The following TUBB4B variants were observed in gnomAD, a reference collection of about 807,000 sequenced individuals.
The protein encoded by TUBB4B is tubulin beta 4B class IVb.
TUBB4B carries 7 observed loss-of-function variants against 34.3 expected under a neutral mutation model. The observed-to-expected ratio is 0.20, with a 90% CI of 0.12 to 0.38. The LOEUF is 0.38. TUBB4B is among the 10% of genes least tolerant of loss of function. The pLI, the probability that TUBB4B is intolerant of heterozygous loss-of-function variation, is 1.00. For synonymous variants in TUBB4B, 390 were observed against 250.2 expected, an observed-to-expected ratio of 1.56 and a Z score of -5.27; for missense variants, 178 against 610.9, an observed-to-expected ratio of 0.29 and a Z score of 7.47.
At chr9:137,242,136 A>C (rs1192284950) in intron 3 of TUBB4B, 115 bp downstream of exon 3, 5 of 1,049,688 alleles carry the variant, frequency 4.8e-6, no homozygotes, top group African/African-American at 3.2e-5. Flanking sequence ...TCTCTGAGCC[A>C]CTCAATCCCC....
chr9:137,241,551 C>T (rs1836742195), intron 1 of TUBB4B, 134 bp downstream of exon 1: 4 of 905,532 alleles, frequency 4.4e-6, no homozygotes, highest in Admixed American at 5.6e-5. Flanking sequence ...GGGGAATTGG[C>T]CGAGCCGGGC....
intron 3 of TUBB4B, chr9:137,242,230 T>C: frequency 1.5e-6 from 1 of 663,218 alleles, no homozygotes; most frequent in African/African-American, 1.8e-5. Flanking sequence ...TGCAGGGAGC[T>C]GAGCTGGGGC....
At chr9:137,241,681 T>C in intron 1 of TUBB4B, 40 bp from the exon 2 acceptor site, 5 of 1,553,780 alleles carry the variant, frequency 3.2e-6, no homozygotes, top group Non-Finnish European at 3.5e-6. Flanking sequence ...CCGCGGTGAC[T>C]CAGCCCCGGC....
In TUBB4B at chr9:137,243,470, C is replaced by T. The variant is rs762837180; in HGVS notation, c.1252C>T (p.Leu418=). The part of the protein sequence containing the change: ...FTEAESNMND[L]VSEYQQYQDA... ...CGAGGCCGAGAGCAACATGAATGACCTGGTGTCCGAGTACCAGCAGTACCA... is the reference window on the plus strand; with the variant it reads ...CGAGGCCGAGAGCAACATGAATGACTTGGTGTCCGAGTACCAGCAGTACCA... Residue 418 remains leucine, a synonymous_variant, in exon 4 of 4, where the codon CTG becomes TTG. Transcript: ENST00000340384. 15 of 1,613,668 alleles carry T rather than the reference C, an allele frequency of 9.3e-6. No homozygotes were observed. The highest frequency in any genetic ancestry group is 2.2e-5 in the South Asian group (2 of 91,094).
chr9:137,241,499 C>T, intron 1 of TUBB4B, 82 bp downstream of exon 1: 2 of 1,155,644 alleles, frequency 1.7e-6, no homozygotes, highest in Non-Finnish European at 1.1e-6. Context: ...GCAGCAGCGG[C>T]CGGGCGGCGC....
Position 137,243,683 on chromosome 9 carries a change from C to T in TUBB4B, c.*127C>T, listed in dbSNP as rs765421295. On this transcript the variant is annotated 3_prime_UTR_variant, in exon 4 of 4. Coordinates refer to ENST00000340384, the MANE Select transcript of TUBB4B (RefSeq NM_006088.6). ...TGTCCACATCCATGCTGTACAGACA[C>T]CACCATTAAAGCATTTTCATAGTGT... 1 of 1,614,086 alleles carries T rather than the reference C, an allele frequency of 6.2e-7. No homozygotes were observed. The highest frequency in any genetic ancestry group is 8.5e-7 in the Non-Finnish European group (1 of 1,179,974).
chr9:137,242,121 C>G, intron 3 of TUBB4B, 100 bp downstream of exon 3: 1 of 1,195,022 alleles, frequency 8.4e-7, no homozygotes, highest in Non-Finnish European at 1.2e-6. Flanking sequence ...TGGACGCCCT[C>G]CTCTTCTCTG....
chr9:137,243,704 AGT>A (rs759352493), exon 4 of TUBB4B: 12 of 1,614,076 alleles, frequency 7.4e-6, no homozygotes, highest in African/African-American at 1.3e-5. Flanking sequence ...GCATTTTCAT[AGT>A]GTGTGGTTTC....
intron 3 of TUBB4B, 80 bp from the exon 4 acceptor site, chr9:137,242,416 T>G: frequency 6.6e-7 from 1 of 1,522,746 alleles, no homozygotes; most frequent in South Asian, 1.2e-5. Context: ...TCACACCATG[T>G]CACTCGGCTT....
In TUBB4B at chr9:137,242,588, G is replaced by A. The variant is rs755055213; in HGVS notation, c.370G>A (p.Ala124Thr). 6.2e-7 allele frequency: 1 copy of A among 1,613,948 alleles called. No homozygotes were observed. The highest frequency in any genetic ancestry group is 8.5e-7 in the Non-Finnish European group (1 of 1,180,028). Reference sequence around the variant, plus strand: ...GGTGCTGGATGTTGTGAGAAAGGAGGCTGAGAGCTGTGACTGCCTGCAGGG... The same window carrying A: ...GGTGCTGGATGTTGTGAGAAAGGAGACTGAGAGCTGTGACTGCCTGCAGGG... Reference protein sequence around the residue: ...DSVLDVVRKEAESCDCLQGFQ... With the variant: ...DSVLDVVRKETESCDCLQGFQ... Residue 124 changes from alanine to threonine, a missense_variant, in exon 4 of 4, where the codon GCT becomes ACT. Physicochemically the swap from Ala to Thr is moderately conservative, Grantham distance 58. Coordinates refer to ENST00000340384, the MANE Select transcript of TUBB4B (RefSeq NM_006088.6).
At chr9:137,242,411 C>T in intron 3 of TUBB4B, 85 bp from the exon 4 acceptor site, 2 of 1,504,644 alleles carry the variant, frequency 1.3e-6, no homozygotes, top group East Asian at 2.3e-5. Context: ...TCAGCTCACA[C>T]CATGTCACTC....
chr9:137,243,598 C>T lies in TUBB4B; in HGVS notation c.*42C>T. On this transcript the variant is annotated 3_prime_UTR_variant, in exon 4 of 4. Transcript: ENST00000340384. ...GGAAAGCAGGGAAGCAGTGTGAACT[C>T]TTTATTCACTCCCAGCCTGTCCTGT... 3 of 1,613,328 alleles carry T rather than the reference C, an allele frequency of 1.9e-6. No homozygotes were observed. Among genetic ancestry groups the T allele is most frequent in the Non-Finnish European group, 2.5e-6 (3 of 1,179,416 alleles).
chr9:137,241,540 CG>C (rs1564425925), intron 1 of TUBB4B, 123 bp downstream of exon 1: 2 of 947,292 alleles, frequency 2.1e-6, no homozygotes, highest in East Asian at 1.4e-4. Context: ...GCCCCCTCCG[CG>C]GGGAATTGGC....
In TUBB4B at chr9:137,243,611, C is replaced by T. The variant is rs998517767; in HGVS notation, c.*55C>T. The T allele has an allele frequency of 1.1e-5, 18 of 1,613,348 alleles. No individual in the cohort carries two copies. Among genetic ancestry groups the T allele is most frequent in the African/African-American group, 1.3e-5 (1 of 74,940 alleles). On this transcript the variant is annotated 3_prime_UTR_variant, in exon 4 of 4. Coordinates refer to ENST00000340384, the MANE Select transcript of TUBB4B (RefSeq NM_006088.6). ...GCAGTGTGAACTCTTTATTCACTCC[C>T]AGCCTGTCCTGTGGCCTGTCCCACT...
chr9:137,242,277 C>T (rs950185125), intron 3 of TUBB4B: 196 of 669,652 alleles, frequency 2.9e-4, no homozygotes, highest in Non-Finnish European at 3.8e-4. Context: ...TTGGCAGTGG[C>T]CCCCCCGGGG....
Position 137,243,436 on chromosome 9 carries a change from G to A in TUBB4B, c.1218G>A (p.Met406Ile). 1 of 1,613,676 alleles carries A rather than the reference G, an allele frequency of 6.2e-7. No individual in the cohort carries two copies. ...ACACGGGCGAGGGCATGGACGAGAT[G>A]GAGTTCACCGAGGCCGAGAGCAACA... ...HWYTGEGMDE[M>I]EFTEAESNMN... Residue 406 changes from methionine to isoleucine, a missense_variant, in exon 4 of 4, where the codon ATG (methionine) becomes ATA (isoleucine). Transcript: ENST00000340384.
rs779630858 is a variant in TUBB4B at position 137,241,313 on chromosome 9, T to C, written c.-48T>C. On this transcript the variant is annotated 5_prime_UTR_variant, in exon 1 of 4. Coordinates refer to ENST00000340384, the MANE Select transcript of TUBB4B (RefSeq NM_006088.6). ...GCACTCTGCGCGCCCGCTCTTCTGC[T>C]GCTGTTTGTCTACTTCCTCCTGCTT... 10 of 1,580,102 alleles carry C rather than the reference T, an allele frequency of 6.3e-6. No homozygotes were observed. The African/African-American group carries it at 8.2e-5, about 13-fold the overall frequency.
rs1836804605 is a variant in TUBB4B, at chr9:137,243,599, T to G, written c.*43T>G. On this transcript the variant is annotated 3_prime_UTR_variant, in exon 4 of 4. Coordinates refer to ENST00000340384, the MANE Select transcript of TUBB4B (RefSeq NM_006088.6). ...GAAAGCAGGGAAGCAGTGTGAACTC[T>G]TTATTCACTCCCAGCCTGTCCTGTG... 4 of 1,613,054 alleles carry G rather than the reference T, an allele frequency of 2.5e-6. No individual in the cohort carries two copies. Among genetic ancestry groups the G allele is most frequent in the Non-Finnish European group, 3.4e-6 (4 of 1,179,238 alleles).
At chr9:137,242,080 A>G in intron 3 of TUBB4B, 59 bp downstream of exon 3, 1 of 1,538,894 alleles carries the variant, frequency 6.5e-7, no homozygotes. Flanking sequence ...CTCCAAGGGC[A>G]CCGCCGTGGG....
Sources: gnomAD v4.1 joint callset for allele counts on GRCh38, gnomAD v4.1.1 for gene constraint, MANE v1.5 for transcripts, NCBI Gene and HGNC (gene_info 2026-07-23, HGNC 2026-07-21) for gene names.